Variants in SGCZ observed in about 807,000 individuals in gnomAD.
SGCZ encodes zeta-sarcoglycan.
SGCZ carries 40 observed loss-of-function variants against 41.3 expected under a neutral mutation model. That is an observed-to-expected ratio of 0.97 (90% CI 0.75 to 1.26). The LOEUF is 1.26. Ranked by LOEUF, SGCZ falls within the 50% of genes most tolerant of loss-of-function variation. SGCZ has a pLI of 0.00. For missense variants in SGCZ, 552 were observed against 369.8 expected (o/e 1.49, Z -4.04); for synonymous variants, 206 against 137.5 (o/e 1.50, Z -3.49).
intron 1 of SGCZ, among the ~76,000 whole-genome samples, chr8:15,031,692 C>A (rs901245073): frequency 6.6e-6 from 1 of 152,094 alleles, no homozygotes. Context: ...GTCAACTATC[C>A]ATGCTAAATT....
At chr8:14,566,994 G>A (rs1430614404) in intron 1 of SGCZ, among the ~76,000 whole-genome samples, 1 of 152,200 alleles carries the variant, frequency 6.6e-6, no homozygotes, top group African/African-American at 2.4e-5. Context: ...GCCAGCAGCT[G>A]CGGAGGGTGC....
intron 1 of SGCZ, among the ~76,000 whole-genome samples, chr8:14,816,085 C>G (rs780537781): frequency 1.3e-5 from 2 of 152,062 alleles, no homozygotes; most frequent in African/African-American, 2.4e-5. Flanking sequence ...ATATTTCAAC[C>G]ATTTCAACAT....
At chr8:15,046,913 A>G (rs1804326756) in intron 1 of SGCZ, among the ~76,000 whole-genome samples, 1 of 152,040 alleles carries the variant, frequency 6.6e-6, no homozygotes, top group Non-Finnish European at 1.5e-5. Context: ...AATTTGCTCC[A>G]TCTTAGAATA....
At chr8:14,424,509 T>C (rs149064565) in intron 2 of SGCZ, among the ~76,000 whole-genome samples, 149 of 152,340 alleles carry the variant, frequency 9.8e-4, no homozygotes, top group Non-Finnish European at 1.8e-3. Context: ...TTGCAAAATA[T>C]ACACAAATAT....
intron 1 of SGCZ, among the ~76,000 whole-genome samples, chr8:14,604,450 G>C (rs973891653): frequency 6.6e-6 from 1 of 152,098 alleles, no homozygotes; most frequent in Non-Finnish European, 1.5e-5. Context: ...ACTAGAGCTT[G>C]AAATATGTAT....
chr8:14,665,188 G>T (rs1007594430), intron 1 of SGCZ, among the ~76,000 whole-genome samples: 1 of 151,998 alleles, frequency 6.6e-6, no homozygotes, highest in Non-Finnish European at 1.5e-5. Context: ...ACAGGCCCCG[G>T]TGTGTGATGT....
intron 2 of SGCZ, among the ~76,000 whole-genome samples, chr8:14,498,927 T>C (rs56272865): frequency 0.02 from 3,066 of 152,004 alleles, 69 homozygotes; most frequent in African/African-American, 0.051. Context: ...TCATGAAGAA[T>C]TCTTTAGTCT....
intron 4 of SGCZ, among the ~76,000 whole-genome samples, chr8:14,216,353 T>A (rs1364034581): frequency 6.6e-6 from 1 of 152,124 alleles, no homozygotes; most frequent in African/African-American, 2.4e-5. Context: ...GATGGTATTA[T>A]ATCGTCTCCT....
intron 1 of SGCZ, among the ~76,000 whole-genome samples, chr8:14,975,674 C>A (rs577925444): frequency 1.3e-5 from 2 of 152,028 alleles, no homozygotes; most frequent in Admixed American, 6.6e-5. Flanking sequence ...GACAATTACA[C>A]AGCAGTGATT....
At chr8:14,252,161 C>A (rs142351768) in intron 3 of SGCZ, among the ~76,000 whole-genome samples, 1,565 of 152,148 alleles carry the variant, frequency 0.01, 18 homozygotes, top group Non-Finnish European at 0.016. Context: ...CTCTTTAATG[C>A]TCTCTTATCT....
intron 1 of SGCZ, among the ~76,000 whole-genome samples, chr8:14,881,862 G>A (rs1310727465): frequency 1.3e-5 from 2 of 152,116 alleles, no homozygotes; most frequent in Admixed American, 1.3e-4. Context: ...CAAAAGAACT[G>A]ACATCATAAC....
Position 14,948,514 on chromosome 8 carries a change from A to G in SGCZ, c.39+289071T>C, listed in dbSNP as rs79519283. ...AGAGGTCTCCGCTAGATCAAACTAT[A>G]CTATTATTACCCTTCTTCCCTTCTC... is the stretch of plus-strand genomic sequence containing the variant. On this transcript the variant is annotated intron_variant, in intron 1 of 7. Coordinates refer to ENST00000382080, the MANE Select transcript of SGCZ (RefSeq NM_139167.4). 2.9e-3 allele frequency among the ~76,000 whole-genome samples: 437 copies of G among 152,096 alleles called. 13 individuals carry two copies. In the East Asian group the frequency reaches 0.06, roughly 21 times the overall value.
intron 2 of SGCZ, among the ~76,000 whole-genome samples, chr8:14,421,977 A>T (rs1344403995): frequency 6.6e-6 from 1 of 151,908 alleles, no homozygotes; most frequent in Non-Finnish European, 1.5e-5. Context: ...TTAATAGAGC[A>T]ATACAAGATT....
At chr8:14,773,746 C>G (rs1174182134) in intron 1 of SGCZ, among the ~76,000 whole-genome samples, 1 of 152,138 alleles carries the variant, frequency 6.6e-6, no homozygotes, top group Non-Finnish European at 1.5e-5. Context: ...GGGCCTCCTT[C>G]TATCTGTAAG....
chr8:14,449,536 T>A (rs1414548171), intron 2 of SGCZ, among the ~76,000 whole-genome samples: 1 of 152,178 alleles, frequency 6.6e-6, no homozygotes, highest in Non-Finnish European at 1.5e-5. Context: ...TATTCCTAGC[T>A]GGATATACTA....
chr8:15,058,493 C>T (rs1804796960), intron 1 of SGCZ, among the ~76,000 whole-genome samples: 1 of 152,166 alleles, frequency 6.6e-6, no homozygotes, highest in African/African-American at 2.4e-5. Context: ...GTAATAAATA[C>T]TATAACAAAT....
At chr8:14,762,015 G>C (rs950351361) in intron 1 of SGCZ, among the ~76,000 whole-genome samples, 1 of 152,112 alleles carries the variant, frequency 6.6e-6, no homozygotes, top group African/African-American at 2.4e-5. Context: ...ACAATGGAAA[G>C]TTTTTCTCAG....
intron 2 of SGCZ, among the ~76,000 whole-genome samples, chr8:14,422,855 C>T (rs568742597): frequency 1.1e-4 from 17 of 152,046 alleles, no homozygotes; most frequent in East Asian, 1.9e-4. Context: ...AATGAGACCT[C>T]GTCTTTCTGA....
intron 1 of SGCZ, among the ~76,000 whole-genome samples, chr8:14,648,633 C>A (rs1157509944): frequency 6.6e-6 from 1 of 151,892 alleles, no homozygotes; most frequent in Non-Finnish European, 1.5e-5. Context: ...TATTTAATTT[C>A]TTTAAATTTC....
Sources: gnomAD v4.1 joint callset for allele counts (sites outside exome capture counted in the v4.1 genomes callset) on GRCh38, gnomAD v4.1.1 for gene constraint, MANE v1.5 for transcripts, NCBI Gene and HGNC (gene_info 2026-07-23, HGNC 2026-07-21) for gene names.